The following CAST variants were observed in gnomAD, a reference collection of about 807,000 sequenced individuals.
CAST encodes MIR583 host.
In CAST, 76 loss-of-function variants were observed where a neutral mutation model predicts 119.6. The ratio of observed to expected loss-of-function variants is 0.64; its 90% CI spans 0.53 to 0.77. The LOEUF (loss-of-function observed/expected upper bound fraction) is 0.77, where lower values mean the gene tolerates loss of function less well. CAST is among the 30% of genes least tolerant of loss of function. The pLI, the probability that CAST is intolerant of heterozygous loss-of-function variation, is 0.00. For missense variants in CAST, 953 were observed against 946.5 expected (o/e 1.01, Z -0.09); for synonymous variants, 319 against 331.6 (o/e 0.96, Z 0.41).
upstream of CAST, chr5:96,662,359 C>G: frequency 7.3e-7 from 1 of 1,369,686 alleles, no homozygotes; most frequent in Non-Finnish European, 9.4e-7. Flanking sequence ...CAGGACTCCC[C>G]GCCAGGCCTC....
At chr5:96,661,418 A>AG (rs1491157989), upstream of CAST, among the ~76,000 whole-genome samples, 6 of 65,172 alleles carry the variant, frequency 9.2e-5, no homozygotes, top group Non-Finnish European at 1.2e-4. Flanking sequence ...CTGCCTCTCC[A>AG]GAAAAAAAAA....
the CAST span, among the ~76,000 whole-genome samples, chr5:96,279,322 T>A: frequency 6.6e-6 from 1 of 152,138 alleles, no homozygotes; most frequent in African/African-American, 2.4e-5. Flanking sequence ...TCCCCTTGTG[T>A]TTTTGCCAGC....
chr5:96,704,107 A>G (rs1754462001), intron 3 of CAST, among the ~76,000 whole-genome samples: 1 of 152,234 alleles, frequency 6.6e-6, no homozygotes, highest in Admixed American at 6.5e-5. Context: ...AGCCACCTAT[A>G]GCAATGAGGC....
chr5:96,364,317 G>A, the CAST span, among the ~76,000 whole-genome samples: 1 of 152,180 alleles, frequency 6.6e-6, no homozygotes, highest in Admixed American at 6.5e-5. Flanking sequence ...TCTCTGCCAG[G>A]CTTTGGTATC....
chr5:96,348,007 C>T, the CAST span, among the ~76,000 whole-genome samples: 1 of 152,060 alleles, frequency 6.6e-6, no homozygotes, highest in East Asian at 1.9e-4. Flanking sequence ...AGACAGAAAT[C>T]GAGTTTCAAA....
chr5:96,388,096 C>T, the CAST span, among the ~76,000 whole-genome samples: 2 of 152,282 alleles, frequency 1.3e-5, no homozygotes, highest in South Asian at 2.1e-4. Flanking sequence ...TATGGCATTC[C>T]AGCCAAATTG....
At chr5:96,619,961 T>G (rs1368445907) in intron 1 of CAST, among the ~76,000 whole-genome samples, 1 of 152,238 alleles carries the variant, frequency 6.6e-6, no homozygotes, top group Non-Finnish European at 1.5e-5. Context: ...AAGCTCAAGT[T>G]TCCACTTCTG....
At chr5:96,241,847 C>T in the CAST span, among the ~76,000 whole-genome samples, 2 of 149,640 alleles carry the variant, frequency 1.3e-5, no homozygotes, top group African/African-American at 2.4e-5. Flanking sequence ...TGTTTTTTGG[C>T]TGCATAAATG....
chr5:96,278,274 C>G, the CAST span, among the ~76,000 whole-genome samples: 1 of 152,092 alleles, frequency 6.6e-6, no homozygotes, highest in Non-Finnish European at 1.5e-5. Flanking sequence ...CTCCTAGAAC[C>G]ACAGGCTGGC....
the CAST span, among the ~76,000 whole-genome samples, chr5:96,341,239 C>T: frequency 6.6e-6 from 1 of 152,072 alleles, no homozygotes; most frequent in African/African-American, 2.4e-5. Context: ...GTATCACTTA[C>T]CATACATTTA....
At chr5:96,328,731 T>A in the CAST span, among the ~76,000 whole-genome samples, 1 of 152,168 alleles carries the variant, frequency 6.6e-6, no homozygotes, top group African/African-American at 2.4e-5. Context: ...GCTCTAACTA[T>A]CATGCCATTT....
chr5:96,361,882 C>T, the CAST span, among the ~76,000 whole-genome samples: 21 of 142,948 alleles, frequency 1.5e-4, no homozygotes, highest in African/African-American at 3.1e-4. Flanking sequence ...ATGTGCACAA[C>T]GTGCAGGTTC....
intron 3 of CAST, among the ~76,000 whole-genome samples, chr5:96,718,478 C>T (rs1302819695): frequency 3.3e-5 from 5 of 151,948 alleles, no homozygotes. Context: ...AATCTGTCCA[C>T]CAAACCCCCA....
upstream of CAST, among the ~76,000 whole-genome samples, chr5:96,528,582 C>T (rs555445354): frequency 9.2e-5 from 14 of 152,238 alleles, no homozygotes; most frequent in South Asian, 2.1e-3. Flanking sequence ...AGATGCCCAC[C>T]CCAAGCAGTT....
chr5:96,677,925 A>G (rs149038145), intron 2 of CAST, among the ~76,000 whole-genome samples: 210 of 152,278 alleles, frequency 1.4e-3, no homozygotes, highest in African/African-American at 4.7e-3. Flanking sequence ...CTTGGTAGTC[A>G]GGGTATATTT....
the CAST span, among the ~76,000 whole-genome samples, chr5:96,500,787 G>A: frequency 6.6e-5 from 10 of 152,304 alleles, no homozygotes; most frequent in Admixed American, 3.9e-4. Context: ...AAATGGGATC[G>A]TAGCTGTTAA....
chr5:96,688,282 A>G (rs1409959409), intron 2 of CAST, among the ~76,000 whole-genome samples: 1 of 152,256 alleles, frequency 6.6e-6, no homozygotes, highest in Non-Finnish European at 1.5e-5. Flanking sequence ...TAGAAATATG[A>G]TTAAACTTTT....
At chr5:96,261,467 A>G in the CAST span, among the ~76,000 whole-genome samples, 1 of 152,226 alleles carries the variant, frequency 6.6e-6, no homozygotes, top group African/African-American at 2.4e-5. Context: ...AAGGCTATAC[A>G]TGATGCAGAA....
chr5:96,620,475 G>C (rs1209940085), intron 1 of CAST, among the ~76,000 whole-genome samples: 1 of 152,088 alleles, frequency 6.6e-6, no homozygotes, highest in East Asian at 1.9e-4. Context: ...CTCCGAATCA[G>C]CCATGATATC....
Sources: gnomAD v4.1 joint callset for allele counts (sites outside exome capture counted in the v4.1 genomes callset) on GRCh38, gnomAD v4.1.1 for gene constraint, MANE v1.5 for transcripts, NCBI Gene and HGNC (gene_info 2026-07-23, HGNC 2026-07-21) for gene names.